The following NBAS variants were observed in gnomAD, a reference collection of about 807,000 sequenced individuals.
NBAS encodes the protein NAG/BC035112 fusion.
A neutral mutation model predicts 302.5 loss-of-function variants in NBAS; 219 were observed. The observed-to-expected ratio is 0.72, with a 90% confidence interval of 0.65 to 0.81. NBAS has a LOEUF of 0.81. NBAS is among the 30% of genes least tolerant of loss of function. NBAS has a pLI of 0.00. For missense variants in NBAS, 2,932 were observed against 2,841.6 expected (o/e 1.03, Z -0.72); for synonymous variants, 1,118 against 1,021.6 (o/e 1.09, Z -1.80).
intron 14 of NBAS, among the ~76,000 whole-genome samples, chr2:15,474,673 G>C (rs1033014515): frequency 3.9e-5 from 6 of 151,992 alleles, no homozygotes; most frequent in African/African-American, 1.5e-4. Context: ...CGATTCTCCT[G>C]CCTCAGCCTC....
At chr2:15,434,082 G>A (rs908616124) in intron 21 of NBAS, among the ~76,000 whole-genome samples, 2 of 152,138 alleles carry the variant, frequency 1.3e-5, no homozygotes, top group Non-Finnish European at 2.9e-5. Flanking sequence ...AGCTGTGACT[G>A]TAACTGCATT....
chr2:15,175,495 C>A (rs1439864239), intron 51 of NBAS, among the ~76,000 whole-genome samples: 1 of 152,190 alleles, frequency 6.6e-6, no homozygotes, highest in African/African-American at 2.4e-5. Context: ...AGGCTTCCAT[C>A]CAAACAGAAA....
intron 38 of NBAS, among the ~76,000 whole-genome samples, chr2:15,323,909 G>GAAA (rs35027092): frequency 7.1e-6 from 1 of 141,510 alleles, no homozygotes; most frequent in Non-Finnish European, 1.6e-5. Flanking sequence ...CACAGTTTCT[G>GAAA]AAAAAAAAAA....
intron 35 of NBAS, 136 bp from the exon 36 acceptor site, chr2:15,330,901 G>T (rs1672311695): frequency 3.2e-6 from 3 of 931,032 alleles, no homozygotes; most frequent in Non-Finnish European, 3.2e-6. Context: ...ATCCAACTTT[G>T]CTTGTAACAA....
chr2:15,442,771 A>G (rs967457809), intron 21 of NBAS, among the ~76,000 whole-genome samples: 1 of 151,932 alleles, frequency 6.6e-6, no homozygotes, highest in African/African-American at 2.4e-5. Flanking sequence ...CTAATAAAGA[A>G]AAAAAGAGAG....
At chr2:15,240,149 A>T (rs1387104779) in intron 44 of NBAS, among the ~76,000 whole-genome samples, 2 of 152,094 alleles carry the variant, frequency 1.3e-5, no homozygotes. Flanking sequence ...CTCCTACGAC[A>T]GACTCTCATT....
the NBAS span, among the ~76,000 whole-genome samples, chr2:14,971,734 C>T: frequency 4.6e-5 from 7 of 152,146 alleles, no homozygotes; most frequent in African/African-American, 7.2e-5. Flanking sequence ...CAGTCCACCA[C>T]GGTGACTCAC....
At chr2:15,481,484 A>C (rs1680425732) in intron 12 of NBAS, among the ~76,000 whole-genome samples, 1 of 152,194 alleles carries the variant, frequency 6.6e-6, no homozygotes, top group African/African-American at 2.4e-5. Context: ...CAGGATCACC[A>C]AACTCCCCAT....
At chr2:14,931,855 C>A in the NBAS span, among the ~76,000 whole-genome samples, 2 of 152,138 alleles carry the variant, frequency 1.3e-5, no homozygotes, top group Non-Finnish European at 2.9e-5. Flanking sequence ...AGGATACAAT[C>A]CGTATTTACT....
intron 45 of NBAS, among the ~76,000 whole-genome samples, chr2:15,237,479 C>T (rs367617208): frequency 1.5e-3 from 233 of 151,256 alleles, no homozygotes; most frequent in South Asian, 0.012. Flanking sequence ...TAAGGGTATA[C>T]GTTTAACAAA....
chr2:15,253,021 T>C (rs1668432751), intron 44 of NBAS, among the ~76,000 whole-genome samples: 1 of 152,064 alleles, frequency 6.6e-6, no homozygotes, highest in Non-Finnish European at 1.5e-5. Context: ...CAGGAGTTCA[T>C]GTGGAAGAAG....
intron 47 of NBAS, among the ~76,000 whole-genome samples, chr2:15,228,785 G>A (rs1165519487): frequency 6.6e-6 from 1 of 152,190 alleles, no homozygotes; most frequent in African/African-American, 2.4e-5. Flanking sequence ...TTTCATGGAA[G>A]TGAGAGTAGA....
At chr2:15,027,449 TAGAGA>T in the NBAS span, among the ~76,000 whole-genome samples, 116,891 of 151,758 alleles carry the variant, frequency 0.77, 45,290 homozygotes, top group East Asian at 1. Context: ...CATATCAAAT[TAGAGA>T]AAAGTCATTA....
the NBAS span, among the ~76,000 whole-genome samples, chr2:14,830,006 T>C: frequency 6.6e-6 from 1 of 152,160 alleles, no homozygotes; most frequent in South Asian, 2.1e-4. Flanking sequence ...ATGGGAAATA[T>C]AGAGGCTGGT....
intron 39 of NBAS, among the ~76,000 whole-genome samples, chr2:15,308,846 T>C (rs1468910897): frequency 6.6e-6 from 1 of 152,172 alleles, no homozygotes; most frequent in East Asian, 1.9e-4. Context: ...CAATACCTAA[T>C]TTATTGAGAG....
intron 32 of NBAS, among the ~76,000 whole-genome samples, chr2:15,358,885 G>A (rs1454448504): frequency 6.6e-6 from 1 of 152,060 alleles, no homozygotes; most frequent in African/African-American, 2.4e-5. Context: ...AAAATAATTT[G>A]GGGCTCAAGG....
At chr2:14,785,521 T>C in the NBAS span, among the ~76,000 whole-genome samples, 1 of 152,222 alleles carries the variant, frequency 6.6e-6, no homozygotes, top group East Asian at 1.9e-4. Context: ...TGAGAGTTTT[T>C]AGCATGAAGG....
At position 15,234,661 on chromosome 2, in the gene NBAS, T is replaced by C. The variant is rs764061575; in HGVS notation, c.6030A>G (p.Leu2010=). The change falls in exon 46 of 52, where the codon TTA becomes TTG. Residue 2010 remains leucine (L), a synonymous_variant. Coordinates refer to ENST00000281513, the MANE Select transcript of NBAS (RefSeq NM_015909.4). The part of the protein sequence containing the change: ...KLHDEAVAIC[L]DGQPLAMIQQ... The stretch of plus-strand genomic sequence containing the variant: ...GAATCATTGCTAGAGGCTGACCATC[T>C]AAACAAATAGCCACAGCTTCATCAT... The C allele has an allele frequency of 1.9e-6, 3 of 1,614,180 alleles. No individual in the cohort carries two copies. The highest frequency in any genetic ancestry group is 2.5e-6 in the Non-Finnish European group (3 of 1,180,012).
chr2:15,035,262 T>C, the NBAS span, among the ~76,000 whole-genome samples: 1 of 152,096 alleles, frequency 6.6e-6, no homozygotes, highest in Non-Finnish European at 1.5e-5. Flanking sequence ...TGCATATAAA[T>C]CAAAACCACA....
Sources: allele counts gnomAD v4.1 joint callset (sites outside exome capture counted in the v4.1 genomes callset), GRCh38; gene constraint gnomAD v4.1.1; transcripts MANE v1.5; gene names NCBI Gene and HGNC (gene_info 2026-07-23, HGNC 2026-07-21).